Variants in ZFHX3 observed in about 807,000 individuals in gnomAD.
ZFHX3 encodes the protein zinc finger homeobox 3, also known as zinc finger homeobox protein 3.
ZFHX3 carries 42 observed loss-of-function variants against 279.1 expected under a neutral mutation model. The ratio of observed to expected loss-of-function variants is 0.15; its 90% CI spans 0.12 to 0.19. ZFHX3 has a LOEUF of 0.19. Among genes scored for constraint, ZFHX3 ranks in the 10% least tolerant of loss-of-function variants. The pLI is 1.00. For synonymous variants in ZFHX3, 2,293 were observed against 1,957.8 expected (o/e 1.17, Z -4.52); for missense variants, 4,981 against 4,754.0 (o/e 1.05, Z -1.40).
intron 8 of ZFHX3, among the ~76,000 whole-genome samples, chr16:73,076,036 A>G (rs1173458270): frequency 6.6e-6 from 1 of 152,168 alleles, no homozygotes; most frequent in Non-Finnish European, 1.5e-5. Flanking sequence ...CCCCCAACAA[A>G]TCACTTAATC....
chr16:73,607,560 A>G (rs2052203560), intron 2 of ZFHX3, among the ~76,000 whole-genome samples: 2 of 152,214 alleles, frequency 1.3e-5, no homozygotes, highest in African/African-American at 4.8e-5. Flanking sequence ...GGTATCCCTA[A>G]TTATCCAACA....
chr16:73,176,794 C>T (rs1379960740), intron 5 of ZFHX3, among the ~76,000 whole-genome samples: 2 of 151,870 alleles, frequency 1.3e-5, no homozygotes, highest in Non-Finnish European at 2.9e-5. Flanking sequence ...TGGTCCAGCC[C>T]TATCCTGCCA....
chr16:73,281,044 G>C (rs1034955831), intron 4 of ZFHX3, among the ~76,000 whole-genome samples: 2 of 145,530 alleles, frequency 1.4e-5, no homozygotes, highest in Non-Finnish European at 3.0e-5. Flanking sequence ...GGGGAGGGGA[G>C]GGGAGGGGAG....
chr16:73,105,471 G>A (rs1174534908), intron 7 of ZFHX3, among the ~76,000 whole-genome samples: 1 of 111,274 alleles, frequency 9.0e-6, no homozygotes. Context: ...TTTCCCCCAG[G>A]CCAGGCGTGC....
chr16:73,664,978 G>T (rs7201370), intron 2 of ZFHX3, among the ~76,000 whole-genome samples: 14,130 of 152,208 alleles, frequency 0.093, 750 homozygotes, highest in African/African-American at 0.13. Context: ...CCATTAGAGA[G>T]GGCAGATGTA....
chr16:72,927,029 T>C (rs1959488339), intron 3 of ZFHX3, among the ~76,000 whole-genome samples: 1 of 152,230 alleles, frequency 6.6e-6, no homozygotes, highest in Admixed American at 6.5e-5. Flanking sequence ...CATAGGGGCT[T>C]CTCAGCTGTT....
intron 2 of ZFHX3, among the ~76,000 whole-genome samples, chr16:73,541,916 C>T (rs537601084): frequency 2.7e-4 from 40 of 150,774 alleles, no homozygotes; most frequent in South Asian, 1.3e-3. Context: ...ATTCTTCTGC[C>T]TCAGCCTCCT....
At chr16:73,220,077 A>G (rs141789290) in intron 5 of ZFHX3, among the ~76,000 whole-genome samples, 1 of 151,960 alleles carries the variant, frequency 6.6e-6, no homozygotes, top group Non-Finnish European at 1.5e-5. Flanking sequence ...CAAGAGCGAA[A>G]CTCCCTCTCA....
chr16:73,587,844 T>C (rs1236259617), intron 2 of ZFHX3, among the ~76,000 whole-genome samples: 1 of 152,176 alleles, frequency 6.6e-6, no homozygotes, highest in Non-Finnish European at 1.5e-5. Context: ...AAAACATCCT[T>C]TTCAAAAAAA....
chr16:72,831,513 G>T (rs2037058971), intron 4 of ZFHX3, among the ~76,000 whole-genome samples: 1 of 152,122 alleles, frequency 6.6e-6, no homozygotes, highest in Non-Finnish European at 1.5e-5. Flanking sequence ...GGCAACCACA[G>T]CTTGAAGTCA....
intron 4 of ZFHX3, among the ~76,000 whole-genome samples, chr16:73,310,555 C>A (rs2015301048): frequency 6.6e-6 from 1 of 152,048 alleles, no homozygotes; most frequent in African/African-American, 2.4e-5. Context: ...GTTGTCACAA[C>A]TGGGGTGGCA....
chr16:73,362,739 C>T (rs1344685111), intron 3 of ZFHX3, among the ~76,000 whole-genome samples: 3 of 152,222 alleles, frequency 2.0e-5, no homozygotes, highest in Admixed American at 1.3e-4. Context: ...ATCCTTATCT[C>T]CTGGAGGTGA....
At chr16:73,606,776 CAT>C (rs2052189102) in intron 2 of ZFHX3, among the ~76,000 whole-genome samples, 1 of 152,120 alleles carries the variant, frequency 6.6e-6, no homozygotes, top group African/African-American at 2.4e-5. Context: ...TGTTTCCCCA[CAT>C]GTGTCCATGT....
At chr16:73,236,858 C>T (rs563972615) in intron 5 of ZFHX3, among the ~76,000 whole-genome samples, 33 of 152,258 alleles carry the variant, frequency 2.2e-4, no homozygotes, top group African/African-American at 7.7e-4. Context: ...GAGAGAGATC[C>T]TGCCTGTAGT....
At chr16:73,448,092 TTG>T (rs1258799427) in intron 3 of ZFHX3, among the ~76,000 whole-genome samples, 2 of 152,090 alleles carry the variant, frequency 1.3e-5, no homozygotes, top group Non-Finnish European at 2.9e-5. Flanking sequence ...TGCTGTGTGT[TTG>T]TGGGGGCAGG....
At chr16:72,905,539 G>A (rs933123254) in intron 3 of ZFHX3, among the ~76,000 whole-genome samples, 6 of 152,078 alleles carry the variant, frequency 3.9e-5, no homozygotes, top group South Asian at 2.1e-4. Flanking sequence ...CCATCGAGAC[G>A]ATCAAGACCA....
In ZFHX3 at chr16:72,793,465, G is replaced by A. The variant is rs149453115; in HGVS notation, c.9217C>T (p.Arg3073Cys). Reference protein sequence around the residue: ...EKEYFDPATVRQLMAQQELDR... With the variant: ...EKEYFDPATVCQLMAQQELDR... ...AACTCTTGTTGAGCCATCAACTGACGTACGGTGGCTGGGTCAAAGTATTCT... is the reference window on the plus strand; with the variant it reads ...AACTCTTGTTGAGCCATCAACTGACATACGGTGGCTGGGTCAAAGTATTCT... The change falls in exon 9 of 10, where the codon CGT (arginine) becomes TGT (cysteine). Residue 3073 changes from arginine to cysteine, a missense_variant. Coordinates refer to ENST00000268489, the MANE Select transcript of ZFHX3 (RefSeq NM_006885.4). This position sits in a 1 kb window ranked among gnomAD's most constrained non-coding sequence, Gnocchi z 4.3. The A allele has an allele frequency of 1.4e-5, 23 of 1,614,052 alleles. No homozygotes were observed. The highest frequency in any genetic ancestry group is 1.8e-5 in the Non-Finnish European group (21 of 1,180,044).
chr16:73,309,811 A>G (rs8061951), intron 4 of ZFHX3, among the ~76,000 whole-genome samples: 120,999 of 151,950 alleles, frequency 0.8, 48,446 homozygotes, highest in African/African-American at 0.86. Context: ...ATCCTCAAGT[A>G]GTCTGAGACC....
chr16:73,246,077 C>T (rs954707398), intron 5 of ZFHX3, among the ~76,000 whole-genome samples: 1 of 152,140 alleles, frequency 6.6e-6, no homozygotes, highest in African/African-American at 2.4e-5. Flanking sequence ...TGAGCAGTCC[C>T]AGGGTCCCAG....
Sources: allele counts gnomAD v4.1 joint callset (sites outside exome capture counted in the v4.1 genomes callset), GRCh38; gene constraint gnomAD v4.1.1; non-coding constraint Gnocchi (gnomAD v3.1); transcripts MANE v1.5; gene names NCBI Gene and HGNC (gene_info 2026-07-23, HGNC 2026-07-21).